Variants in FARP2 observed in about 807,000 individuals in gnomAD.
FARP2 encodes FERM, ARH/RhoGEF and pleckstrin domain protein 2, also known as FERM, ARHGEF and pleckstrin domain-containing protein 2.
In FARP2, 111 loss-of-function variants were observed where a neutral mutation model predicts 130.5. The observed-to-expected ratio is 0.85, with a 90% CI of 0.73 to 1.00. The LOEUF is 1.00. Among genes scored for constraint, FARP2 ranks in the 50% least tolerant of loss-of-function variants. FARP2 has a pLI of 0.00. For synonymous variants in FARP2, 504 were observed against 516.9 expected (o/e 0.98, Z 0.34); for missense variants, 1,385 against 1,346.3 (o/e 1.03, Z -0.45).
Position 241,475,262 on chromosome 2 carries a change from G to T in FARP2, c.2132-595G>T, listed in dbSNP as rs1559805301. Among the ~76,000 whole-genome samples the T allele has an allele frequency of 2.6e-5, 4 of 152,196 alleles. No individual in the cohort carries two copies. Among genetic ancestry groups the T allele is most frequent in the South Asian group, 2.1e-4 (1 of 4,832 alleles). On this transcript the variant is annotated intron_variant, in intron 18 of 26. Coordinates refer to ENST00000264042, the MANE Select transcript of FARP2 (RefSeq NM_014808.4). This position sits in a 1 kb window ranked among gnomAD's most constrained non-coding sequence, Gnocchi z 4.4. ...ACAGTTTGGGTTGAACAACCTGAAG[G>T]CCTCAGGGGTATCTGCAGGAGCAGG...
intron 2 of FARP2, among the ~76,000 whole-genome samples, chr2:241,383,135 G>A (rs2061701246): frequency 6.6e-6 from 1 of 152,234 alleles, no homozygotes; most frequent in African/African-American, 2.4e-5. Context: ...TGTTTGGCAG[G>A]TATTTGCTGA....
rs943528637 is a variant in FARP2, at chr2:241,459,487, C to G, written c.1587+2565C>G. ...CCCTCGCCAGCTGGTGCCCTCCTCC[C>G]CAGTGTCTCCCACTTGATGCACTGT... On this transcript the variant is annotated intron_variant, in intron 14 of 26. Transcript: ENST00000264042. This position sits in a 1 kb window ranked among gnomAD's most constrained non-coding sequence, Gnocchi z 5.3. Among the ~76,000 whole-genome samples, 3 of 152,216 alleles carry G rather than the reference C, an allele frequency of 2.0e-5. No individual in the cohort carries two copies. Among genetic ancestry groups the G allele is most frequent in the African/African-American group, 7.2e-5 (3 of 41,468 alleles).
chr2:241,444,455 T>C (rs1195314064), intron 13 of FARP2: 1 of 152,262 alleles, frequency 6.6e-6, no homozygotes, highest in African/African-American at 2.4e-5. Context: ...TTGCTGATGC[T>C]GTGAACTAAC....
At chr2:241,491,318 C>G in intron 23 of FARP2, 139 bp downstream of exon 23, 1 of 861,152 alleles carries the variant, frequency 1.2e-6, no homozygotes, top group South Asian at 1.6e-5. Context: ...CAGGCTACGC[C>G]TCATGCCTGG....
At chr2:241,405,770 C>G (rs1314910963) in intron 4 of FARP2, among the ~76,000 whole-genome samples, 1 of 151,990 alleles carries the variant, frequency 6.6e-6, no homozygotes, top group Admixed American at 6.6e-5. Context: ...CCTGTCTCTA[C>G]TAAAAATACA....
intron 18 of FARP2, among the ~76,000 whole-genome samples, chr2:241,473,730 G>T (rs941197136): frequency 6.6e-6 from 1 of 152,176 alleles, no homozygotes; most frequent in African/African-American, 2.4e-5. Context: ...TGGAAGGAAG[G>T]GCTCAGACCC....
At chr2:241,410,462 G>A (rs1226911470) in intron 5 of FARP2, among the ~76,000 whole-genome samples, 2 of 146,340 alleles carry the variant, frequency 1.4e-5, no homozygotes, top group Admixed American at 7.0e-5. Flanking sequence ...ACAGAGTTTC[G>A]CTCTTGTTGC....
At position 241,494,369 on chromosome 2, in the gene FARP2, C is replaced by T; in HGVS notation, c.*244C>T. 2 of 321,082 alleles carry T rather than the reference C, an allele frequency of 6.2e-6. No individual in the cohort carries two copies. The highest frequency in any genetic ancestry group is 7.9e-4 in the Middle Eastern group (1 of 1,262). The allele number at this position is 321,082 out of a possible 1,614,324, so 19.9% of individuals were successfully genotyped here. ...AAATGTGCGAGTCTTGAGCGCGGAG[C>T]CGCTCAAGCCACAGCTCCCAGGCCC... On this transcript the variant is annotated 3_prime_UTR_variant, in exon 27 of 27. Coordinates refer to ENST00000264042, the MANE Select transcript of FARP2 (RefSeq NM_014808.4). The surrounding 1 kb of genome is among the most constrained non-coding windows in gnomAD (Gnocchi z 4.9).
chr2:241,393,759 G>A (rs1401536798), intron 2 of FARP2, among the ~76,000 whole-genome samples: 2 of 152,100 alleles, frequency 1.3e-5, no homozygotes, highest in Non-Finnish European at 1.5e-5. Context: ...GGCCTTTGTC[G>A]CCCATTTTCA....
intron 2 of FARP2, among the ~76,000 whole-genome samples, chr2:241,403,390 T>C (rs1236611634): frequency 1.3e-5 from 2 of 152,052 alleles, no homozygotes; most frequent in Admixed American, 1.3e-4. Flanking sequence ...AATTTTTTAA[T>C]TTGGGTAGAG....
Position 241,403,879 on chromosome 2 carries a change from C to G in FARP2, c.235C>G (p.Leu79Val), listed in dbSNP as rs267599296. The G allele has an allele frequency of 1.9e-6, 3 of 1,613,878 alleles. No homozygotes were observed. Among genetic ancestry groups the G allele is most frequent in the South Asian group, 2.2e-5 (2 of 91,078 alleles). ...GACACAAGTGTGGAAGCGTTTAAAC[C>G]TGGTAGAATGTGACTACTTCGGGAT... ...LLTQVWKRLN[L>V]VECDYFGMEF... Residue 79 changes from leucine to valine, a missense_variant, in exon 3 of 27, where the codon CTG becomes GTG. Physicochemically the swap from Leu to Val is conservative, Grantham distance 32. Transcript: ENST00000264042.
chr2:241,366,259 TAA>T (rs1222900806), intron 1 of FARP2, among the ~76,000 whole-genome samples: 2 of 151,432 alleles, frequency 1.3e-5, no homozygotes, highest in Non-Finnish European at 2.9e-5. Context: ...CTTTTTTCTG[TAA>T]AGATTTTGAT....
At chr2:241,469,092 G>GTT (rs570980000) in intron 18 of FARP2, among the ~76,000 whole-genome samples, 27 of 146,244 alleles carry the variant, frequency 1.8e-4, no homozygotes, top group East Asian at 6.0e-4. Flanking sequence ...TGGTTTTGTG[G>GTT]TTTTTTTTTT....
chr2:241,435,962 G>A (rs1267175561), intron 11 of FARP2, among the ~76,000 whole-genome samples: 1 of 140,586 alleles, frequency 7.1e-6, no homozygotes, highest in East Asian at 2.1e-4. Context: ...GTCCAGGCTG[G>A]AGTGCAGTAG....
At chr2:241,373,059 G>C (rs2061457980) in intron 1 of FARP2, 25 bp from the exon 2 acceptor site, 1 of 1,141,148 alleles carries the variant, frequency 8.8e-7, no homozygotes. Context: ...ATTCCTTCAT[G>C]TGGTTTTTTT....
At chr2:241,440,330 G>A (rs2063349306) in intron 12 of FARP2, among the ~76,000 whole-genome samples, 1 of 152,214 alleles carries the variant, frequency 6.6e-6, no homozygotes, top group Non-Finnish European at 1.5e-5. Context: ...TCCCGTGATA[G>A]CGCGCGAGGA....
At position 241,475,474 on chromosome 2, in the gene FARP2, A is replaced by G. The variant is rs903050350; in HGVS notation, c.2132-383A>G. 1.3e-5 allele frequency among the ~76,000 whole-genome samples: 2 copies of G among 152,162 alleles called. No homozygotes were observed. The highest frequency in any genetic ancestry group is 4.8e-5 in the African/African-American group (2 of 41,436). ...TTTACAGCCACTCCCCATTGCTTGC[A>G]TTACCACCTGAGCTCCTCCTCCTGT... On this transcript the variant is annotated intron_variant, in intron 18 of 26. Coordinates refer to ENST00000264042, the MANE Select transcript of FARP2 (RefSeq NM_014808.4). This position sits in a 1 kb window ranked among gnomAD's most constrained non-coding sequence, Gnocchi z 4.4.
Position 241,434,307 on chromosome 2 carries a change from C to T in FARP2, c.1017C>T (p.Ser339=). 6.2e-7 allele frequency: 1 copy of T among 1,612,022 alleles called. No individual in the cohort carries two copies. Among genetic ancestry groups the T allele is most frequent in the Non-Finnish European group, 8.5e-7 (1 of 1,179,356 alleles). The change falls in exon 10 of 27, where the codon TCC becomes TCT. Residue 339 remains serine, a synonymous_variant. Transcript: ENST00000264042. The part of the protein sequence containing the change: ...KAKAVFFSRG[S]SFRYSGRTQK... ...AAGCCGTCTTCTTCAGCCGGGGCTCCTCCTTCAGATACAGGTAGGGGCCAT... is the reference window on the plus strand; with the variant it reads ...AAGCCGTCTTCTTCAGCCGGGGCTCTTCCTTCAGATACAGGTAGGGGCCAT...
chr2:241,431,173 C>T (rs2063081320), intron 8 of FARP2, among the ~76,000 whole-genome samples: 1 of 152,082 alleles, frequency 6.6e-6, no homozygotes, highest in African/African-American at 2.4e-5. Flanking sequence ...AATATTGCTC[C>T]AGCAGCTTTC....
Sources: allele counts gnomAD v4.1 joint callset (sites outside exome capture counted in the v4.1 genomes callset), GRCh38; gene constraint gnomAD v4.1.1; non-coding constraint Gnocchi (gnomAD v3.1); transcripts MANE v1.5; gene names NCBI Gene and HGNC (gene_info 2026-07-23, HGNC 2026-07-21).